The following NAV3 variants were observed in gnomAD, a reference collection of about 807,000 sequenced individuals.
The protein encoded by NAV3 is neuron navigator 3.
Under a neutral mutation model 244.7 loss-of-function variants are expected in NAV3, and 87 were observed. That is an observed-to-expected ratio of 0.36 (90% CI 0.30 to 0.42). The LOEUF (loss-of-function observed/expected upper bound fraction) is 0.42. Ranked by LOEUF, NAV3 falls within the 20% of genes least tolerant of loss-of-function variation. NAV3 has a pLI of 1.00. For missense variants in NAV3, 2,663 were observed against 2,893.3 expected (o/e 0.92, Z 1.83); for synonymous variants, 1,126 against 1,042.2 (o/e 1.08, Z -1.55).
intron 2 of NAV3, among the ~76,000 whole-genome samples, chr12:77,582,750 G>T (rs530814559): frequency 6.6e-6 from 1 of 152,104 alleles, no homozygotes; most frequent in African/African-American, 2.4e-5. Context: ...TTGCTCTCCT[G>T]TAGTGAAGCA....
intron 30 of NAV3, among the ~76,000 whole-genome samples, chr12:78,184,537 C>A (rs1248649486): frequency 6.6e-6 from 1 of 151,764 alleles, no homozygotes; most frequent in Non-Finnish European, 1.5e-5. Flanking sequence ...TCTAAAAGTT[C>A]TCAAGCTCTG....
chr12:78,196,036 A>G (rs1959170373), intron 34 of NAV3, among the ~76,000 whole-genome samples: 1 of 152,076 alleles, frequency 6.6e-6, no homozygotes, highest in African/African-American at 2.4e-5. Context: ...TAAGGCTATG[A>G]ACGCAGTAGA....
intron 1 of NAV3, among the ~76,000 whole-genome samples, chr12:77,843,835 A>G (rs1345446713): frequency 1.2e-5 from 1 of 83,634 alleles, no homozygotes; most frequent in East Asian, 5.3e-4. Context: ...GTCTTGTTTA[A>G]AAAAAAAAAA....
chr12:78,081,922 A>T (rs1454179833), intron 12 of NAV3, among the ~76,000 whole-genome samples: 1 of 152,182 alleles, frequency 6.6e-6, no homozygotes, highest in Non-Finnish European at 1.5e-5. Flanking sequence ...TCTTTCATTG[A>T]TCTCATTCCC....
At chr12:77,587,523 G>C (rs1293497469) in intron 2 of NAV3, among the ~76,000 whole-genome samples, 1 of 152,078 alleles carries the variant, frequency 6.6e-6, no homozygotes, top group African/African-American at 2.4e-5. Context: ...GCTAAAGCTA[G>C]AACAAGTAAA....
rs1958230748 is a variant in NAV3, at chr12:78,176,466, A to G, written c.5124+7A>G. The G allele has an allele frequency of 1.2e-6, 2 of 1,612,606 alleles. No homozygotes were observed. Among genetic ancestry groups the G allele is most frequent in the African/African-American group, 2.7e-5 (2 of 74,970 alleles). On this transcript the variant is annotated splice_region_variant and intron_variant, in intron 26 of 39. Transcript: ENST00000397909. ...GAACTCTAGAGGAAGTGAGGTGAAT[A>G]TAAACCGTGGACAATTTGGCATGCA...
intron 39 of NAV3, among the ~76,000 whole-genome samples, chr12:78,205,658 G>C (rs1396663862): frequency 1.3e-5 from 2 of 151,778 alleles, no homozygotes; most frequent in Admixed American, 6.6e-5. Flanking sequence ...TAAAATAGTG[G>C]AATAATTGAA....
intron 9 of NAV3, among the ~76,000 whole-genome samples, chr12:78,037,923 G>A (rs1238028116): frequency 6.6e-6 from 1 of 152,168 alleles, no homozygotes; most frequent in East Asian, 1.9e-4. Flanking sequence ...TACAGGGGCC[G>A]CTGCTGGCTT....
At chr12:77,670,627 T>C (rs1333580601) in intron 2 of NAV3, among the ~76,000 whole-genome samples, 3 of 152,124 alleles carry the variant, frequency 2.0e-5, no homozygotes, top group African/African-American at 7.2e-5. Flanking sequence ...GCAGGGATGT[T>C]TTAACATACA....
Position 78,060,372 on chromosome 12 carries a change from T to C in NAV3, c.2636+1257T>C, listed in dbSNP as rs912010496. On this transcript the variant is annotated intron_variant, in intron 12 of 39. Coordinates refer to ENST00000397909, the MANE Select transcript of NAV3 (RefSeq NM_001024383.2). ...TCTCCTTACCCACAGGCTGTTGATA[T>C]CCTGACTCATAGTGGTTAGAACAGT... Among the ~76,000 whole-genome samples the C allele has an allele frequency of 2.0e-5, 3 of 152,128 alleles. No homozygotes were observed. The East Asian group carries it at 5.8e-4, about 29-fold the overall frequency.
chr12:77,966,169 A>C (rs1183495619), intron 3 of NAV3, 60 bp from the exon 4 acceptor site: 1 of 1,356,834 alleles, frequency 7.4e-7, no homozygotes, highest in African/African-American at 1.4e-5. Context: ...TCATTTTGGC[A>C]CATGTATTTG....
chr12:78,179,788 T>A lies in NAV3; in HGVS notation c.5517+106T>A. On this transcript the variant is annotated intron_variant, in intron 29 of 39. Transcript: ENST00000397909. The stretch of plus-strand genomic sequence containing the variant: ...ATAAATTCCACTTGGAAACCCACCT[T>A]AGAAATGTACTCTGTTTATTCAGTC... 7.3e-6 allele frequency: 9 copies of A among 1,238,278 alleles called. No homozygotes were observed. The South Asian group carries it at 1.4e-4, about 19-fold the overall frequency. The allele number at this position is 1,238,278 out of a possible 1,614,324, so 76.7% of individuals were successfully genotyped here. A position where few individuals can be genotyped will look rare whatever the true frequency, so the allele number is the denominator to read the frequency against.
chr12:78,034,418 T>C lies in NAV3; in HGVS notation c.2023+12556T>C, dbSNP rs571322142. On this transcript the variant is annotated intron_variant, in intron 9 of 39. Transcript: ENST00000397909. ...CCAGGACCCTCCGAGTCCAACTGAA[T>C]GAGCAGTTATGTGGCTGGGGCACAG... Among the ~76,000 whole-genome samples the C allele has an allele frequency of 2.0e-5, 3 of 152,196 alleles. No homozygotes were observed. The East Asian group carries it at 5.8e-4, about 29-fold the overall frequency.
At chr12:77,674,038 A>G (rs761300171) in intron 2 of NAV3, among the ~76,000 whole-genome samples, 38 of 152,044 alleles carry the variant, frequency 2.5e-4, no homozygotes, top group Non-Finnish European at 4.3e-4. Flanking sequence ...ATGAACCATC[A>G]TTTCCAAAGG....
At chr12:78,032,017 A>T (rs1357321833) in intron 9 of NAV3, among the ~76,000 whole-genome samples, 1 of 152,142 alleles carries the variant, frequency 6.6e-6, no homozygotes, top group African/African-American at 2.4e-5. Flanking sequence ...GAGGAAACAG[A>T]ACCTAAATCA....
At chr12:77,674,234 G>A (rs1874110292) in intron 2 of NAV3, among the ~76,000 whole-genome samples, 1 of 152,152 alleles carries the variant, frequency 6.6e-6, no homozygotes, top group Non-Finnish European at 1.5e-5. Flanking sequence ...CTAAAAAGAA[G>A]TTTGTAATAT....
chr12:78,026,606 T>A (rs1039363001), intron 9 of NAV3, among the ~76,000 whole-genome samples: 2 of 152,190 alleles, frequency 1.3e-5, no homozygotes, highest in Admixed American at 1.3e-4. Context: ...ACTCTTGTTA[T>A]TTTCTCAGAA....
chr12:77,709,804 T>C (rs955001046), intron 2 of NAV3, among the ~76,000 whole-genome samples: 3 of 152,224 alleles, frequency 2.0e-5, no homozygotes, highest in African/African-American at 4.8e-5. Flanking sequence ...CAATTAACAT[T>C]GTGCCTGGCA....
intron 12 of NAV3, among the ~76,000 whole-genome samples, chr12:78,097,425 G>A (rs1241177993): frequency 6.6e-6 from 1 of 152,116 alleles, no homozygotes; most frequent in Non-Finnish European, 1.5e-5. Flanking sequence ...GCCATCTGTT[G>A]TTCTTCAGTG....
Sources: gnomAD v4.1 joint callset for allele counts (sites outside exome capture counted in the v4.1 genomes callset) on GRCh38, gnomAD v4.1.1 for gene constraint, MANE v1.5 for transcripts, NCBI Gene and HGNC (gene_info 2026-07-23, HGNC 2026-07-21) for gene names.